The following TTC17 variants were observed in gnomAD, a reference collection of about 807,000 sequenced individuals.
TTC17 encodes the protein tetratricopeptide repeat protein 17.
A neutral mutation model predicts 143.8 loss-of-function variants in TTC17; 58 were observed. That is an observed-to-expected ratio of 0.40 (90% confidence interval 0.33 to 0.50). TTC17 has a LOEUF of 0.50. TTC17 is among the 20% of genes least tolerant of loss of function. TTC17 has a pLI of 0.49. For synonymous variants in TTC17, 501 were observed against 497.8 expected (o/e 1.01, Z -0.09); for missense variants, 1,273 against 1,392.5 (o/e 0.91, Z 1.37).
Position 43,414,682 on chromosome 11 carries a change from C to T in TTC17, c.2157C>T (p.Thr719=). ...CCTTTAGACAGGCCTTGAAATTAACCACCAAATGTCCAGAGTGTGAAAACA... is the reference window on the plus strand; with the variant it reads ...CCTTTAGACAGGCCTTGAAATTAACTACCAAATGTCCAGAGTGTGAAAACA... ...LEAFRQALKL[T]TKCPECENSL... Residue 719 remains threonine, a synonymous_variant, in exon 16 of 24, where the codon ACC becomes ACT. Transcript: ENST00000039989. 6.2e-7 allele frequency: 1 copy of T among 1,613,732 alleles called. No individual in the cohort carries two copies.
intron 16 of TTC17, among the ~76,000 whole-genome samples, chr11:43,421,105 G>A (rs972766049): frequency 2.0e-5 from 3 of 152,176 alleles, no homozygotes; most frequent in African/African-American, 7.2e-5. Flanking sequence ...GAAACAGAGA[G>A]TAGATAATAA....
chr11:43,402,805 G>A (rs367837152), intron 10 of TTC17, among the ~76,000 whole-genome samples: 16 of 152,256 alleles, frequency 1.1e-4, no homozygotes, highest in African/African-American at 3.4e-4. Flanking sequence ...TTCTATCTTA[G>A]AGAAAACTCA....
intron 1 of TTC17, among the ~76,000 whole-genome samples, chr11:43,376,278 G>C (rs935012448): frequency 6.6e-6 from 1 of 152,162 alleles, no homozygotes; most frequent in African/African-American, 2.4e-5. Context: ...TGTTTACTTG[G>C]AACTCTTAGA....
chr11:43,419,993 T>C (rs902175248), intron 16 of TTC17, among the ~76,000 whole-genome samples: 8 of 152,266 alleles, frequency 5.3e-5, no homozygotes, highest in Admixed American at 5.2e-4. Flanking sequence ...CAGATGTACT[T>C]CTGTGTATGT....
rs145469408 is a variant in TTC17, at chr11:43,412,156, A to G, written c.2065-2434A>G. ...CAAAGTCTCAGCAAACAATTGGAAA[A>G]TAGCATACAAAGTACACTGTTTACA... On this transcript the variant is annotated intron_variant, in intron 15 of 23. Transcript: ENST00000039989. Among the ~76,000 whole-genome samples the G allele has an allele frequency of 7.4e-4, 112 of 152,290 alleles. 1 individual carries two copies. The highest frequency in any genetic ancestry group is 2.6e-3 in the African/African-American group (109 of 41,574).
At chr11:43,414,046 C>G (rs1363978192) in intron 15 of TTC17, among the ~76,000 whole-genome samples, 1 of 152,116 alleles carries the variant, frequency 6.6e-6, no homozygotes, top group Non-Finnish European at 1.5e-5. Flanking sequence ...AACTGCTAAT[C>G]GGATGAACAA....
At chr11:43,413,649 TAG>T (rs927407343) in intron 15 of TTC17, among the ~76,000 whole-genome samples, 3 of 150,378 alleles carry the variant, frequency 2.0e-5, no homozygotes, top group African/African-American at 7.4e-5. Context: ...TTCCTTTAGA[TAG>T]AGAAAAGAAC....
rs137938705 is a variant in TTC17 at position 43,489,103 on chromosome 11, G to C, written c.3031-1136G>C. Among the ~76,000 whole-genome samples, 1,089 of 152,212 alleles carry C rather than the reference G, an allele frequency of 7.2e-3. 4 individuals carry two copies. The highest frequency in any genetic ancestry group is 8.8e-3 in the Admixed American group (134 of 15,292). On this transcript the variant is annotated intron_variant, in intron 21 of 23. Transcript: ENST00000039989. Reference sequence around the variant, plus strand: ...GCAATCAAAATCTACATCACACAAAGTACCATAAGTCCAAAGACAGACTTC... The same window carrying C: ...GCAATCAAAATCTACATCACACAAACTACCATAAGTCCAAAGACAGACTTC...
intron 2 of TTC17, among the ~76,000 whole-genome samples, chr11:43,388,074 CA>C (rs1392236600): frequency 6.6e-6 from 1 of 152,168 alleles, no homozygotes; most frequent in East Asian, 1.9e-4. Context: ...ATATGACCCC[CA>C]TATTTCTGCC....
chr11:43,479,992 A>C (rs1307117681), intron 21 of TTC17, among the ~76,000 whole-genome samples: 5 of 152,172 alleles, frequency 3.3e-5, no homozygotes, highest in African/African-American at 1.2e-4. Context: ...GCAGCATGCA[A>C]ATAGGAAGAA....
intron 5 of TTC17, among the ~76,000 whole-genome samples, chr11:43,392,745 T>TA (rs1352105209): frequency 6.6e-6 from 1 of 152,206 alleles, no homozygotes; most frequent in African/African-American, 2.4e-5. Context: ...TGATGAGTAA[T>TA]AAGAGAAAAC....
chr11:43,377,134 A>G (rs954846395), intron 1 of TTC17, among the ~76,000 whole-genome samples: 16 of 152,152 alleles, frequency 1.1e-4, no homozygotes, highest in African/African-American at 3.6e-4. Flanking sequence ...TCTACTAAAA[A>G]TACAAAAACT....
At chr11:43,378,338 G>A (rs534873506) in intron 1 of TTC17, among the ~76,000 whole-genome samples, 20 of 152,282 alleles carry the variant, frequency 1.3e-4, no homozygotes, top group Middle Eastern at 3.4e-3. Flanking sequence ...ATGTCTGGAC[G>A]GAGTTGTAAA....
intron 1 of TTC17, 70 bp downstream of exon 1, chr11:43,359,183 TGGCTGTTGGGCTCC>T: frequency 6.9e-7 from 1 of 1,458,498 alleles, no homozygotes; most frequent in Non-Finnish European, 9.1e-7. Context: ...GCTTGGCCCC[TGGCTGTTGGGCTCC>T]GCGCGGCCCC....
At chr11:43,446,004 G>T in intron 18 of TTC17, 1 of 1,533,960 alleles carries the variant, frequency 6.5e-7, no homozygotes, top group Middle Eastern at 1.7e-4. Context: ...ATTTAACAGA[G>T]CCTCTTATGA....
intron 2 of TTC17, among the ~76,000 whole-genome samples, chr11:43,385,999 A>G (rs2134505881): frequency 6.6e-6 from 1 of 152,092 alleles, no homozygotes; most frequent in Middle Eastern, 3.4e-3. Flanking sequence ...AGACATAATT[A>G]TTAATACTAC....
intron 16 of TTC17, among the ~76,000 whole-genome samples, chr11:43,431,462 A>G (rs893760289): frequency 6.6e-6 from 1 of 152,230 alleles, no homozygotes; most frequent in Non-Finnish European, 1.5e-5. Flanking sequence ...AATGATTGCC[A>G]TTCTAACTGG....
intron 16 of TTC17, among the ~76,000 whole-genome samples, chr11:43,434,815 G>T (rs1947249336): frequency 1.3e-5 from 2 of 152,138 alleles, no homozygotes; most frequent in Non-Finnish European, 2.9e-5. Context: ...TGTTAAATAT[G>T]GTAGCCTCCA....
intron 10 of TTC17, among the ~76,000 whole-genome samples, chr11:43,403,399 A>G (rs185118497): frequency 6.6e-6 from 1 of 152,236 alleles, no homozygotes; most frequent in African/African-American, 2.4e-5. Context: ...CTCATTATCT[A>G]GCAAGGTTTC....
Sources: gnomAD v4.1 joint callset for allele counts (sites outside exome capture counted in the v4.1 genomes callset) on GRCh38, gnomAD v4.1.1 for gene constraint, MANE v1.5 for transcripts, NCBI Gene and HGNC (gene_info 2026-07-23, HGNC 2026-07-21) for gene names.